SNTB2: variants seen among roughly 807,000 people sequenced by gnomAD.
The protein encoded by SNTB2 is syntrophin beta 2.
In SNTB2, 34 loss-of-function variants were observed where a neutral mutation model predicts 46.2. That is an observed-to-expected ratio of 0.74 (90% CI 0.56 to 0.98). The LOEUF is 0.98. SNTB2 is among the 50% of genes least tolerant of loss of function. The pLI, the probability that SNTB2 is intolerant of heterozygous loss-of-function variation, is 0.00. For synonymous variants in SNTB2, 290 were observed against 312.6 expected, an observed-to-expected ratio of 0.93 and a Z score of 0.76; for missense variants, 603 against 731.4, an observed-to-expected ratio of 0.82 and a Z score of 2.02.
chr16:69,195,795 T>A (rs1334365736), intron 1 of SNTB2, among the ~76,000 whole-genome samples: 2 of 152,166 alleles, frequency 1.3e-5, no homozygotes, highest in Admixed American at 1.3e-4. Flanking sequence ...CTCGGACCTA[T>A]CACTATTACC....
intron 1 of SNTB2, among the ~76,000 whole-genome samples, chr16:69,214,617 C>A (rs1964328250): frequency 6.6e-6 from 1 of 151,934 alleles, no homozygotes; most frequent in Non-Finnish European, 1.5e-5. Context: ...ACCTCCACCT[C>A]CCGGGTTCAA....
At chr16:69,242,901 G>T (rs960421040) in intron 1 of SNTB2, among the ~76,000 whole-genome samples, 14 of 151,868 alleles carry the variant, frequency 9.2e-5, no homozygotes, top group African/African-American at 2.9e-4. Flanking sequence ...GGCGCCTGTA[G>T]TCCCAGTTAC....
intron 4 of SNTB2, among the ~76,000 whole-genome samples, chr16:69,282,768 G>A (rs1164349011): frequency 2.7e-5 from 4 of 147,994 alleles, no homozygotes; most frequent in Non-Finnish European, 6.0e-5. Flanking sequence ...CTTTCTTTCA[G>A]GAAAGTTTTG....
chr16:69,195,633 G>A (rs2152289006), intron 1 of SNTB2, among the ~76,000 whole-genome samples: 1 of 152,158 alleles, frequency 6.6e-6, no homozygotes, highest in South Asian at 2.1e-4. Context: ...GTCTAATTCT[G>A]TATAGTCAGC....
At chr16:69,256,357 A>C (rs754353910) in intron 2 of SNTB2, among the ~76,000 whole-genome samples, 2 of 152,122 alleles carry the variant, frequency 1.3e-5, no homozygotes, top group Non-Finnish European at 2.9e-5. Context: ...CATAACATGA[A>C]ATTTCTTAAT....
At chr16:69,285,589 C>T (rs1965094921) in intron 5 of SNTB2, among the ~76,000 whole-genome samples, 1 of 150,602 alleles carries the variant, frequency 6.6e-6, no homozygotes, top group African/African-American at 2.4e-5. Context: ...TTAAGTGATC[C>T]TCCCTCAAGC....
intron 2 of SNTB2, among the ~76,000 whole-genome samples, chr16:69,256,365 A>T (rs1200988181): frequency 6.6e-6 from 1 of 152,126 alleles, no homozygotes; most frequent in Non-Finnish European, 1.5e-5. Flanking sequence ...GAAATTTCTT[A>T]ATCATTTTTA....
intron 3 of SNTB2, among the ~76,000 whole-genome samples, chr16:69,260,528 C>A (rs989883000): frequency 2.6e-5 from 4 of 152,108 alleles, no homozygotes; most frequent in Admixed American, 2.6e-4. Context: ...CATCTCTGTC[C>A]TTAATGACAG....
chr16:69,270,367 C>G, intron 4 of SNTB2, 82 bp downstream of exon 4: 1 of 1,539,646 alleles, frequency 6.5e-7, no homozygotes, highest in Non-Finnish European at 8.9e-7. Context: ...ATTCTGTTAT[C>G]TTAGGTGCCT....
chr16:69,305,133 G>A lies in SNTB2; in HGVS notation c.*4209G>A, dbSNP rs1965307354. 1 of 152,428 alleles carries A rather than the reference G, an allele frequency of 6.6e-6. No homozygotes were observed. The highest frequency in any genetic ancestry group is 6.5e-5 in the Admixed American group (1 of 15,270). 9.4% of individuals were successfully genotyped at this position (152,428 alleles called of 1,614,324 possible). On this transcript the variant is annotated 3_prime_UTR_variant, in exon 7 of 7. Coordinates refer to ENST00000336278, the MANE Select transcript of SNTB2 (RefSeq NM_006750.4). ...TTTGTGAGAAATTCCAGGTCTTCTT[G>A]CTTAACTTATATGCATGTGGATATA...
rs760293536 is a variant in SNTB2 at position 69,245,603 on chromosome 16, C to G, written c.582C>G (p.Val194=). The G allele has an allele frequency of 2.2e-5, 36 of 1,613,494 alleles. No homozygotes were observed. In the South Asian group the frequency reaches 3.0e-4, roughly 13 times the overall value. The change falls in exon 2 of 7, where the codon GTC becomes GTG. Residue 194 remains valine, a splice_region_variant and synonymous_variant. Transcript: ENST00000336278. ...KRAGKEVLLE[V]KFIREVTPYI... ...CTTCTTTGATTTTTTTGTTCATAGT[C>G]AAGTTCATCCGAGAAGTAACACCAT...
intron 4 of SNTB2, among the ~76,000 whole-genome samples, chr16:69,281,690 A>G (rs1344971608): frequency 6.6e-6 from 1 of 151,596 alleles, no homozygotes; most frequent in Non-Finnish European, 1.5e-5. Context: ...TAAAAATACA[A>G]AAATTAGCTG....
chr16:69,187,199 A>AGCGGGGCCGGCCATG lies in SNTB2; in HGVS notation c.38_52dup (p.Gly13_Ala17dup), dbSNP rs1469578687. On this transcript the variant is annotated inframe_insertion, in exon 1 of 7. Transcript: ENST00000336278. ...TAGCTGCGGCGACTGCGGCGGCTGG[A>AGCGGGGCCGGCCATG]GCGGGGCCGGCCATGGCGGTGTGGA... 7.9e-6 allele frequency: 11 copies of AGCGGGGCCGGCCATG among 1,397,058 alleles called. No homozygotes were observed. The highest frequency in any genetic ancestry group is 9.3e-6 in the Non-Finnish European group (10 of 1,074,208). 86.5% of individuals were successfully genotyped at this position (1,397,058 alleles called of 1,614,324 possible). A position where few individuals can be genotyped will look rare whatever the true frequency, so the allele number is the denominator to read the frequency against.
intron 1 of SNTB2, among the ~76,000 whole-genome samples, chr16:69,205,290 C>T (rs1964203768): frequency 6.6e-6 from 1 of 150,534 alleles, no homozygotes. Context: ...GCTAGGACTA[C>T]AGGCACGCGC....
intron 1 of SNTB2, among the ~76,000 whole-genome samples, chr16:69,241,675 A>T (rs1051982222): frequency 2.6e-5 from 4 of 151,418 alleles, no homozygotes; most frequent in African/African-American, 4.8e-5. Flanking sequence ...CATACCTATA[A>T]TCCCAGCCCT....
intron 1 of SNTB2, among the ~76,000 whole-genome samples, chr16:69,215,605 G>A (rs1964339410): frequency 6.6e-6 from 1 of 152,126 alleles, no homozygotes. Context: ...GGATGTGTGT[G>A]CGGTACCAAA....
At chr16:69,297,306 CAAAAAAAAAA>C (rs60543622) in intron 5 of SNTB2, among the ~76,000 whole-genome samples, 7 of 45,734 alleles carry the variant, frequency 1.5e-4, no homozygotes, top group African/African-American at 5.9e-4. Context: ...GATTCTATCT[CAAAAAAAAAA>C]AAAAAAAAAA....
intron 5 of SNTB2, among the ~76,000 whole-genome samples, chr16:69,298,919 C>G (rs559111124): frequency 1.1e-4 from 16 of 152,260 alleles, no homozygotes; most frequent in African/African-American, 3.4e-4. Flanking sequence ...TGCTCATGTT[C>G]TGTACATTCT....
At chr16:69,263,069 C>G (rs577034227) in intron 3 of SNTB2, among the ~76,000 whole-genome samples, 5 of 152,054 alleles carry the variant, frequency 3.3e-5, no homozygotes, top group Admixed American at 6.6e-5. Flanking sequence ...TCCCCATCTA[C>G]CCCTTACCTC....
Sources: gnomAD v4.1 joint callset for allele counts (sites outside exome capture counted in the v4.1 genomes callset) on GRCh38, gnomAD v4.1.1 for gene constraint, MANE v1.5 for transcripts, NCBI Gene and HGNC (gene_info 2026-07-23, HGNC 2026-07-21) for gene names.